The following NBEA variants were observed in gnomAD, a reference collection of about 807,000 sequenced individuals.
NBEA encodes neurobeachin.
NBEA carries 44 observed loss-of-function variants against 343.4 expected under a neutral mutation model. The observed-to-expected ratio is 0.13, with a 90% CI of 0.10 to 0.16. NBEA has a LOEUF of 0.16. Ranked by LOEUF, NBEA falls within the 10% of genes least tolerant of loss-of-function variation. The pLI, the probability that NBEA is intolerant of heterozygous loss-of-function variation, is 1.00. For synonymous variants in NBEA, 1,175 were observed against 1,238.7 expected, an observed-to-expected ratio of 0.95 and a Z score of 1.08; for missense variants, 2,555 against 3,631.3, an observed-to-expected ratio of 0.70 and a Z score of 7.62.
intron 11 of NBEA, among the ~76,000 whole-genome samples, chr13:35,099,005 T>C (rs2065481048): frequency 6.6e-6 from 1 of 151,390 alleles, no homozygotes. Context: ...AGTTGTTTCT[T>C]TGCTATCTTT....
intron 31 of NBEA, among the ~76,000 whole-genome samples, chr13:35,204,696 A>AAAG (rs71846042): frequency 0.17 from 25,400 of 152,078 alleles, 2,349 homozygotes; most frequent in African/African-American, 0.24. Context: ...AGCAGATCTA[A>AAAG]AAGAAGAGCA....
At chr13:34,956,390 T>G (rs2059492430) in intron 1 of NBEA, among the ~76,000 whole-genome samples, 2 of 135,596 alleles carry the variant, frequency 1.5e-5, no homozygotes, top group East Asian at 4.1e-4. Context: ...GTGAAAGTTG[T>G]TTTTTTTTTT....
At chr13:35,045,577 C>T (rs117748872) in intron 4 of NBEA, among the ~76,000 whole-genome samples, 176 bp downstream of exon 4, 6,959 of 152,152 alleles carry the variant, frequency 0.046, 237 homozygotes, top group Non-Finnish European at 0.067. Flanking sequence ...CCCCAAAATT[C>T]CCTTGTGCCT....
chr13:35,228,374 C>CTT (rs376741335), intron 33 of NBEA, among the ~76,000 whole-genome samples: 1 of 143,640 alleles, frequency 7.0e-6, no homozygotes. Flanking sequence ...AAGTAATTCT[C>CTT]TTTTTTTTTT....
rs2081892116 is a variant in NBEA at position 35,598,157 on chromosome 13, A to C, written c.7296+4710A>C. On this transcript the variant is annotated intron_variant, in intron 47 of 58. Transcript: ENST00000379939. The stretch of plus-strand genomic sequence containing the variant: ...GACCTGGGAGCTAAAAAGACAAATT[A>C]TCTGTCCCATGTACACACAACATGT... 2.6e-5 allele frequency among the ~76,000 whole-genome samples: 4 copies of C among 152,350 alleles called. No individual in the cohort carries two copies. The Middle Eastern group carries it at 0.01, about 389-fold the overall frequency.
At chr13:35,056,421 A>G (rs1180524144) in intron 7 of NBEA, among the ~76,000 whole-genome samples, 3 of 152,120 alleles carry the variant, frequency 2.0e-5, no homozygotes, top group Non-Finnish European at 4.4e-5. Context: ...AATGTGGTTT[A>G]CCCCTTATTT....
intron 33 of NBEA, among the ~76,000 whole-genome samples, chr13:35,212,128 CTG>C (rs2073817656): frequency 1.3e-5 from 2 of 152,082 alleles, no homozygotes; most frequent in East Asian, 3.9e-4. Context: ...AACAAATAGA[CTG>C]TACACCAGGA....
intron 1 of NBEA, among the ~76,000 whole-genome samples, chr13:34,976,140 G>T (rs147333693): frequency 1.3e-5 from 2 of 152,212 alleles, no homozygotes; most frequent in East Asian, 1.9e-4. Context: ...TTATAGCAGC[G>T]CAATTTGCAA....
At chr13:35,090,444 T>G (rs2065024509) in intron 10 of NBEA, among the ~76,000 whole-genome samples, 1 of 151,932 alleles carries the variant, frequency 6.6e-6, no homozygotes. Context: ...ATAACAAACA[T>G]TGTCTCTAGC....
At chr13:35,327,746 G>T (rs773751169) in intron 36 of NBEA, among the ~76,000 whole-genome samples, 1 of 151,750 alleles carries the variant, frequency 6.6e-6, no homozygotes, top group Non-Finnish European at 1.5e-5. Context: ...CCCAGGTAAC[G>T]ATCCTGCATC....
chr13:35,294,069 G>A (rs1179816633), intron 35 of NBEA, among the ~76,000 whole-genome samples: 1 of 151,902 alleles, frequency 6.6e-6, no homozygotes, highest in African/African-American at 2.4e-5. Flanking sequence ...TCTTAGTTAG[G>A]CATCTGTGTA....
At chr13:35,564,474 T>C (rs1279531080) in intron 44 of NBEA, among the ~76,000 whole-genome samples, 2 of 152,152 alleles carry the variant, frequency 1.3e-5, no homozygotes, top group Non-Finnish European at 2.9e-5. Flanking sequence ...ATCTGTACTC[T>C]TTGTATATAT....
chr13:35,641,481 T>C (rs1054211016), intron 49 of NBEA, among the ~76,000 whole-genome samples: 1 of 152,152 alleles, frequency 6.6e-6, no homozygotes, highest in African/African-American at 2.4e-5. Flanking sequence ...AGGGGAATAC[T>C]ATACAGCAAA....
At chr13:35,269,737 A>G (rs1305123862) in intron 34 of NBEA, among the ~76,000 whole-genome samples, 1 of 152,172 alleles carries the variant, frequency 6.6e-6, no homozygotes, top group East Asian at 1.9e-4. Flanking sequence ...TATTCATGGA[A>G]GGGAAAGCTA....
In NBEA at chr13:35,168,549, A is replaced by G. The variant is rs565334482; in HGVS notation, c.4234-438A>G. 7.1e-4 allele frequency among the ~76,000 whole-genome samples: 107 copies of G among 151,638 alleles called. No homozygotes were observed. The South Asian group carries it at 0.022, about 31-fold the overall frequency. On this transcript the variant is annotated intron_variant, in intron 24 of 58. Coordinates refer to ENST00000379939, the MANE Select transcript of NBEA (RefSeq NM_001385012.1). The stretch of plus-strand genomic sequence containing the variant: ...CAAATTACATTATTTCCTTATAGAA[A>G]ATTCTAGAGGTTGGTATAAATAGTT...
chr13:35,343,118 A>T (rs1163425952), intron 36 of NBEA, among the ~76,000 whole-genome samples: 3 of 152,146 alleles, frequency 2.0e-5, no homozygotes, highest in South Asian at 2.1e-4. Context: ...TTGATATTTT[A>T]AAAAATATTT....
intron 19 of NBEA, 50 bp downstream of exon 19, chr13:35,155,905 T>C (rs1196784058): frequency 1.3e-6 from 2 of 1,548,054 alleles, no homozygotes; most frequent in Non-Finnish European, 1.8e-6. Context: ...CATGGCAACA[T>C]ATGAGACTAA....
intron 1 of NBEA, among the ~76,000 whole-genome samples, chr13:34,979,515 GT>G (rs924468725): frequency 6.6e-6 from 1 of 151,318 alleles, no homozygotes; most frequent in African/African-American, 2.4e-5. Flanking sequence ...GCAAGACTCT[GT>G]CTCAAAGAAA....
intron 41 of NBEA, among the ~76,000 whole-genome samples, chr13:35,507,124 C>T (rs954487558): frequency 6.6e-6 from 1 of 152,098 alleles, no homozygotes; most frequent in East Asian, 1.9e-4. Context: ...AATCCATAGG[C>T]CAATCTCTAT....
Sources: gnomAD v4.1 joint callset for allele counts (sites outside exome capture counted in the v4.1 genomes callset) on GRCh38, gnomAD v4.1.1 for gene constraint, MANE v1.5 for transcripts, NCBI Gene and HGNC (gene_info 2026-07-23, HGNC 2026-07-21) for gene names.